Variants in LUZP2 observed in about 807,000 individuals in gnomAD.
LUZP2 encodes the protein leucine zipper protein 2.
Under a neutral mutation model 51.6 loss-of-function variants are expected in LUZP2, and 52 were observed. The ratio of observed to expected loss-of-function variants is 1.01; its 90% CI spans 0.81 to 1.27. LUZP2 has a LOEUF of 1.27. LUZP2 is among the 50% of genes most tolerant of loss of function. The pLI, the probability that LUZP2 is intolerant of heterozygous loss-of-function variation, is 0.00. For missense variants in LUZP2, 436 were observed against 395.4 expected (o/e 1.10, Z -0.87); for synonymous variants, 154 against 137.3 (o/e 1.12, Z -0.85).
chr11:24,923,352 A>C (rs2133819643), intron 7 of LUZP2, among the ~76,000 whole-genome samples: 1 of 152,208 alleles, frequency 6.6e-6, no homozygotes, highest in Admixed American at 6.5e-5. Flanking sequence ...CAAACTTGAA[A>C]ACTGAGTCTC....
At chr11:24,700,782 CATT>C (rs1424831902) in intron 1 of LUZP2, among the ~76,000 whole-genome samples, 1 of 151,912 alleles carries the variant, frequency 6.6e-6, no homozygotes, top group African/African-American at 2.4e-5. Flanking sequence ...TTCATTCTGA[CATT>C]ATAATCAGTG....
intron 7 of LUZP2, among the ~76,000 whole-genome samples, chr11:24,971,379 C>A (rs1855731256): frequency 6.6e-6 from 1 of 152,130 alleles, no homozygotes; most frequent in Admixed American, 6.6e-5. Context: ...AGGTGAAGTT[C>A]AGCTTTGCTC....
At chr11:24,928,538 T>C (rs6484082) in intron 7 of LUZP2, among the ~76,000 whole-genome samples, 88,444 of 151,556 alleles carry the variant, frequency 0.58, 26,459 homozygotes, top group East Asian at 0.83. Flanking sequence ...CATTTATTAA[T>C]TTGTATATGT....
At chr11:24,922,644 A>G (rs1021459528) in intron 7 of LUZP2, among the ~76,000 whole-genome samples, 3 of 152,130 alleles carry the variant, frequency 2.0e-5, no homozygotes, top group South Asian at 2.1e-4. Flanking sequence ...TAACAATATT[A>G]TTTTCTTACA....
intron 7 of LUZP2, among the ~76,000 whole-genome samples, chr11:24,926,495 G>GTATA (rs200566769): frequency 3.6e-5 from 3 of 84,236 alleles, no homozygotes; most frequent in Non-Finnish European, 7.1e-5. Context: ...ATATATATGT[G>GTATA]TATATATGTG....
At chr11:24,600,832 G>A (rs151278249) in intron 1 of LUZP2, among the ~76,000 whole-genome samples, 7 of 152,008 alleles carry the variant, frequency 4.6e-5, no homozygotes, top group Non-Finnish European at 8.8e-5. Context: ...AGGTAGACAC[G>A]CTAGACTCAA....
chr11:24,806,338 A>T (rs1180530081), intron 5 of LUZP2, among the ~76,000 whole-genome samples: 1 of 152,198 alleles, frequency 6.6e-6, no homozygotes, highest in African/African-American at 2.4e-5. Flanking sequence ...TAATATTTAC[A>T]TCACGGAATT....
rs543949233 is a variant in LUZP2 at position 24,562,521 on chromosome 11, A to C, written c.62+65216A>C. Among the ~76,000 whole-genome samples the C allele has an allele frequency of 4.6e-5, 7 of 152,078 alleles. No individual in the cohort carries two copies. The South Asian group carries it at 1.5e-3, about 32-fold the overall frequency. On this transcript the variant is annotated intron_variant, in intron 1 of 11. Transcript: ENST00000336930. ...ATAAGAGAATTTCGAGATAGATGTA[A>C]GTCTATCAGGGTAAGGACCCATTAA...
intron 5 of LUZP2, among the ~76,000 whole-genome samples, chr11:24,868,116 C>G (rs1307250597): frequency 6.6e-6 from 1 of 152,124 alleles, no homozygotes; most frequent in African/African-American, 2.4e-5. Flanking sequence ...AGAAAACCGG[C>G]ATTTTTCACC....
chr11:24,592,023 AT>A (rs1853278214), intron 1 of LUZP2, among the ~76,000 whole-genome samples: 1 of 152,198 alleles, frequency 6.6e-6, no homozygotes, highest in Non-Finnish European at 1.5e-5. Flanking sequence ...ACAAAGAGCC[AT>A]TGGGGAAAAG....
At chr11:24,658,570 CA>C (rs1424038905) in intron 1 of LUZP2, among the ~76,000 whole-genome samples, 4 of 152,130 alleles carry the variant, frequency 2.6e-5, no homozygotes, top group African/African-American at 9.7e-5. Context: ...CCAAAATTGA[CA>C]AATGGGATCT....
intron 5 of LUZP2, among the ~76,000 whole-genome samples, chr11:24,857,559 AG>A (rs1851608371): frequency 1.3e-5 from 1 of 79,168 alleles, no homozygotes; most frequent in Non-Finnish European, 2.7e-5. Context: ...TATCCAAAAT[AG>A]GTCTTTTTTT....
At chr11:25,078,529 TTG>T in intron 11 of LUZP2, 23 bp from the exon 12 acceptor site, 1 of 1,559,422 alleles carries the variant, frequency 6.4e-7, no homozygotes. Flanking sequence ...ATTCTTCGAA[TTG>T]TCTTTTCTGT....
chr11:24,947,874 T>C (rs1230699384), intron 7 of LUZP2, among the ~76,000 whole-genome samples: 2 of 151,958 alleles, frequency 1.3e-5, no homozygotes, highest in Non-Finnish European at 2.9e-5. Flanking sequence ...TTCCTCTCGC[T>C]GCTTTCTAAA....
chr11:24,527,981 A>G (rs4923191), intron 1 of LUZP2, among the ~76,000 whole-genome samples: 19,724 of 151,166 alleles, frequency 0.13, 1,754 homozygotes, highest in African/African-American at 0.24. Flanking sequence ...GCAAATTCAC[A>G]GGGCTGGACA....
At chr11:24,950,244 G>T (rs890591184) in intron 7 of LUZP2, among the ~76,000 whole-genome samples, 11 of 150,994 alleles carry the variant, frequency 7.3e-5, no homozygotes, top group Admixed American at 1.3e-4. Flanking sequence ...GATGGATGAA[G>T]GAATAAAAGA....
chr11:24,565,147 T>G (rs1321520234), intron 1 of LUZP2, among the ~76,000 whole-genome samples: 1 of 152,196 alleles, frequency 6.6e-6, no homozygotes, highest in African/African-American at 2.4e-5. Context: ...TTGTCACTGA[T>G]GTACCAGGCA....
chr11:25,002,551 C>T (rs1195929332), intron 9 of LUZP2, among the ~76,000 whole-genome samples: 1 of 152,138 alleles, frequency 6.6e-6, no homozygotes, highest in East Asian at 1.9e-4. Flanking sequence ...CACGAGTAGT[C>T]CAGACAGTGA....
intron 5 of LUZP2, among the ~76,000 whole-genome samples, chr11:24,881,621 A>G (rs966733216): frequency 6.6e-6 from 1 of 152,068 alleles, no homozygotes; most frequent in Non-Finnish European, 1.5e-5. Flanking sequence ...TGGGAACACA[A>G]TGTTAGGAGT....
Sources: gnomAD v4.1 joint callset for allele counts (sites outside exome capture counted in the v4.1 genomes callset) on GRCh38, gnomAD v4.1.1 for gene constraint, MANE v1.5 for transcripts, NCBI Gene and HGNC (gene_info 2026-07-23, HGNC 2026-07-21) for gene names.